The following PPARGC1A variants were observed in gnomAD, a reference collection of about 807,000 sequenced individuals.
PPARGC1A encodes peroxisome proliferator-activated receptor gamma coactivator 1-alpha.
A neutral mutation model predicts 88.7 loss-of-function variants in PPARGC1A; 25 were observed. That is an observed-to-expected ratio of 0.28 (90% CI 0.21 to 0.39). The LOEUF (loss-of-function observed/expected upper bound fraction) is 0.39. Ranked by LOEUF, PPARGC1A falls within the 10% of genes least tolerant of loss-of-function variation. PPARGC1A has a pLI of 1.00. For synonymous variants in PPARGC1A, 363 were observed against 355.6 expected, an observed-to-expected ratio of 1.02 and a Z score of -0.24; for missense variants, 880 against 968.7, an observed-to-expected ratio of 0.91 and a Z score of 1.22.
chr4:24,471,829 A>C, the PPARGC1A span, among the ~76,000 whole-genome samples: 10 of 151,234 alleles, frequency 6.6e-5, 1 homozygote, highest in Admixed American at 5.9e-4. The surrounding 1 kb of genome is among the most constrained non-coding windows in gnomAD (Gnocchi z 5.4). Context: ...TCTGCACCCC[A>C]CCCCCCCCAC....
intron 10 of PPARGC1A, among the ~76,000 whole-genome samples, chr4:23,811,876 G>A (rs1409349697): frequency 1.1e-4 from 15 of 132,636 alleles, no homozygotes; most frequent in East Asian, 5.0e-4. Context: ...CGACCATCAC[G>A]CAGAAGAAAT....
chr4:23,990,271 A>G, the PPARGC1A span, among the ~76,000 whole-genome samples: 1 of 151,072 alleles, frequency 6.6e-6, no homozygotes, highest in South Asian at 2.1e-4. Context: ...TTGATAATTT[A>G]CAAGGTACTC....
the PPARGC1A span, among the ~76,000 whole-genome samples, chr4:24,130,093 A>G: frequency 6.6e-6 from 1 of 152,298 alleles, no homozygotes; most frequent in Middle Eastern, 3.4e-3. Flanking sequence ...GCAAATGTAT[A>G]CATATGTAAC....
chr4:24,375,013 T>TAAAAAAAA, the PPARGC1A span, among the ~76,000 whole-genome samples: 1 of 127,442 alleles, frequency 7.8e-6, no homozygotes, highest in African/African-American at 2.9e-5. Context: ...CCCCCCACCC[T>TAAAAAAAA]AAAAAAAAAA....
At chr4:24,190,664 A>G in the PPARGC1A span, among the ~76,000 whole-genome samples, 1 of 152,240 alleles carries the variant, frequency 6.6e-6, no homozygotes, top group African/African-American at 2.4e-5. Context: ...TTAGCCTCGA[A>G]GAGATGAAGT....
At chr4:24,022,223 T>A in the PPARGC1A span, among the ~76,000 whole-genome samples, 2 of 152,172 alleles carry the variant, frequency 1.3e-5, no homozygotes, top group Non-Finnish European at 2.9e-5. Flanking sequence ...TCCCTGAGCA[T>A]CTTCTCGCTG....
the PPARGC1A span, among the ~76,000 whole-genome samples, chr4:24,200,665 A>AAAAAAAAAAC: frequency 1.3e-5 from 2 of 149,852 alleles, no homozygotes; most frequent in African/African-American, 4.9e-5. Flanking sequence ...CAAAAAAAAA[A>AAAAAAAAAAC]AAAAAACTCC....
chr4:23,869,549 C>G (rs1008374692), intron 2 of PPARGC1A, among the ~76,000 whole-genome samples: 21 of 152,136 alleles, frequency 1.4e-4, no homozygotes, highest in Middle Eastern at 3.4e-3. Context: ...ATTTAGGAAG[C>G]CCAGTCCTGT....
the PPARGC1A span, among the ~76,000 whole-genome samples, chr4:24,284,751 G>T: frequency 6.6e-6 from 1 of 152,188 alleles, no homozygotes; most frequent in Admixed American, 6.5e-5. Context: ...GAAGAAGCCC[G>T]GGCACGGTGG....
At chr4:24,369,926 G>A in the PPARGC1A span, among the ~76,000 whole-genome samples, 18 of 152,342 alleles carry the variant, frequency 1.2e-4, no homozygotes, top group Admixed American at 8.5e-4. Context: ...GTGGAGGCTA[G>A]TAGGTGGGCT....
the PPARGC1A span, among the ~76,000 whole-genome samples, chr4:24,097,127 C>T: frequency 0.029 from 4,406 of 152,094 alleles, 198 homozygotes; most frequent in African/African-American, 0.097. Context: ...TGGTTAAGAC[C>T]GCATTGTAAG....
the PPARGC1A span, among the ~76,000 whole-genome samples, chr4:24,204,300 C>T: frequency 6.6e-6 from 1 of 152,168 alleles, no homozygotes; most frequent in Admixed American, 6.5e-5. Context: ...GAATCTGGTC[C>T]TTTAATCAGT....
the PPARGC1A span, among the ~76,000 whole-genome samples, chr4:23,910,411 CTA>C: frequency 2.0e-5 from 2 of 102,092 alleles, no homozygotes; most frequent in Middle Eastern, 9.1e-3. Context: ...TATATTAACC[CTA>C]TATATATTAT....
the PPARGC1A span, among the ~76,000 whole-genome samples, chr4:23,954,757 A>G: frequency 6.6e-6 from 1 of 152,032 alleles, no homozygotes; most frequent in South Asian, 2.1e-4. Flanking sequence ...AATAATTATA[A>G]CTTGCTGGAT....
the PPARGC1A span, among the ~76,000 whole-genome samples, chr4:24,331,301 G>A: frequency 1.3e-5 from 2 of 151,964 alleles, no homozygotes. Context: ...CTTTCAACCT[G>A]AGCTGCTCCT....
chr4:24,381,586 T>C, the PPARGC1A span, among the ~76,000 whole-genome samples: 4 of 152,232 alleles, frequency 2.6e-5, no homozygotes, highest in African/African-American at 9.6e-5. Flanking sequence ...AAAACTCATG[T>C]TCACAAAGTG....
At chr4:24,363,496 T>C in the PPARGC1A span, among the ~76,000 whole-genome samples, 1 of 152,190 alleles carries the variant, frequency 6.6e-6, no homozygotes, top group African/African-American at 2.4e-5. Context: ...TATATTAAAG[T>C]GTTACTAAAT....
chr4:23,814,623 A>T lies in PPARGC1A; in HGVS notation c.878-18T>A. 7.1e-7 allele frequency: 1 copy of T among 1,417,682 alleles called. No individual in the cohort carries two copies. The highest frequency in any genetic ancestry group is 1.5e-5 in the African/African-American group (1 of 68,284). The allele number at this position is 1,417,682 out of a possible 1,614,324, so 87.8% of individuals were successfully genotyped here. A position where few individuals can be genotyped will look rare whatever the true frequency, so the allele number is the denominator to read the frequency against. ...AGTTAGGCCTAAGGCAAAAATTAAA[A>T]AAAAAAAAAAAAAGAGAGAGAAAGA... On this transcript the variant is annotated intron_variant, in intron 7 of 12. Transcript: ENST00000264867.
At chr4:23,888,003 A>G (rs1353489079) in intron 1 of PPARGC1A, among the ~76,000 whole-genome samples, 2 of 152,188 alleles carry the variant, frequency 1.3e-5, no homozygotes, top group Non-Finnish European at 2.9e-5. Flanking sequence ...ATAGGCCTAT[A>G]TTAACCAATG....
Sources: gnomAD v4.1 joint callset for allele counts (sites outside exome capture counted in the v4.1 genomes callset) on GRCh38, gnomAD v4.1.1 for gene constraint, Gnocchi (gnomAD v3.1) non-coding constraint, MANE v1.5 for transcripts, NCBI Gene and HGNC (gene_info 2026-07-23, HGNC 2026-07-21) for gene names.